SIAH1: variants seen among roughly 807,000 people sequenced by gnomAD.
SIAH1 encodes the protein E3 ubiquitin-protein ligase SIAH1.
In SIAH1, 2 loss-of-function variants were observed where a neutral mutation model predicts 20.0. The observed-to-expected ratio is 0.10, with a 90% confidence interval of 0.04 to 0.31. The LOEUF is 0.31. SIAH1 is among the 10% of genes least tolerant of loss of function. The pLI, the probability that SIAH1 is intolerant of heterozygous loss-of-function variation, is 1.00. For synonymous variants in SIAH1, 118 were observed against 125.3 expected (o/e 0.94, Z 0.39); for missense variants, 119 against 355.3 (o/e 0.33, Z 5.35).
chr16:48,384,822 C>T (rs1437606528), intron 1 of SIAH1, among the ~76,000 whole-genome samples: 1 of 149,100 alleles, frequency 6.7e-6, no homozygotes, highest in East Asian at 2.0e-4. Flanking sequence ...CAACAAAGGC[C>T]GGCACGAGGG....
At chr16:48,374,776 T>C (rs1331454722) in intron 1 of SIAH1, among the ~76,000 whole-genome samples, 2 of 151,966 alleles carry the variant, frequency 1.3e-5, no homozygotes, top group Non-Finnish European at 2.9e-5. Flanking sequence ...AACTAAAAAA[T>C]GCAGAGAAAG....
intron 1 of SIAH1, among the ~76,000 whole-genome samples, chr16:48,381,643 G>A (rs547397041): frequency 6.6e-5 from 10 of 152,264 alleles, no homozygotes; most frequent in African/African-American, 2.4e-4. Flanking sequence ...AGTGAAAGAA[G>A]CCAATGTGAA....
rs543688431 is a variant in SIAH1 at position 48,385,380 on chromosome 16, GGCCGCC to G, written c.-185_-180del. 12 of 154,710 alleles carry G rather than the reference GGCCGCC, an allele frequency of 7.8e-5. No individual in the cohort carries two copies. Among genetic ancestry groups the G allele is most frequent in the East Asian group, 1.9e-4 (1 of 5,278 alleles). The allele number at this position is 154,710 out of a possible 1,614,324, so 9.6% of individuals were successfully genotyped here. On this transcript the variant is annotated 5_prime_UTR_variant, in exon 1 of 2. Coordinates refer to ENST00000394725, the MANE Select transcript of SIAH1 (RefSeq NM_003031.4). ...GCAACGGCCGCCCCGGCTCCCCCCTGGCCGCCGCCGCCGCCGCCGTTTCGCGCGTCC... is the reference window on the plus strand; with the variant it reads ...GCAACGGCCGCCCCGGCTCCCCCCTGGCCGCCGCCGCCGTTTCGCGCGTCC...
At chr16:48,364,715 T>C (rs1960759572) in intron 1 of SIAH1, 1 of 152,284 alleles carries the variant, frequency 6.6e-6, no homozygotes, top group African/African-American at 2.4e-5. Context: ...CTGTATGCTG[T>C]ATGCCTACTG....
In SIAH1 at chr16:48,362,781, G is replaced by GT; in HGVS notation, c.-2-352dup. On this transcript the variant is annotated intron_variant, in intron 1 of 1. Coordinates refer to ENST00000394725, the MANE Select transcript of SIAH1 (RefSeq NM_003031.4). The surrounding 1 kb of genome is among the most constrained non-coding windows in gnomAD (Gnocchi z 4.2). ...AAGGAACTGAAGTTTAATCGAATCC[G>GT]TTTTGCTAGGACTCTCCCTGAGGCT... The GT allele has an allele frequency of 4.5e-6, 1 of 221,812 alleles. No homozygotes were observed. The allele number at this position is 221,812 out of a possible 1,614,324, so 13.7% of individuals were successfully genotyped here. A position where few individuals can be genotyped will look rare whatever the true frequency, so the allele number is the denominator to read the frequency against.
intron 1 of SIAH1, among the ~76,000 whole-genome samples, chr16:48,379,720 G>A (rs73562076): frequency 0.017 from 2,550 of 152,258 alleles, 58 homozygotes; most frequent in African/African-American, 0.056. Flanking sequence ...CAGTGGGACC[G>A]AGCAGAGTGC....
Position 48,362,190 on chromosome 16 carries a change from C to T in SIAH1, c.239G>A (p.Gly80Glu). The stretch of plus-strand genomic sequence containing the variant: ...CTCCATAGCCAAGTTGCGAATGGAT[C>T]CCAAAGGGCCCCGGCAAGTTGGACA... ...TCCPTCRGPLGSIRNLAMEKV... is the reference protein window; with the variant it reads ...TCCPTCRGPLESIRNLAMEKV... Residue 80 changes from glycine to glutamate, a missense_variant, in exon 2 of 2, where the codon GGA (glycine) becomes GAA (glutamate). Around this residue, in one of 2 missense-constraint regions of SIAH1, gnomAD observed 84 missense variants for 307.8 expected, o/e 0.27. Coordinates refer to ENST00000394725, the MANE Select transcript of SIAH1 (RefSeq NM_003031.4). The surrounding 1 kb of genome is among the most constrained non-coding windows in gnomAD (Gnocchi z 4.2). The T allele has an allele frequency of 6.2e-7, 1 of 1,614,214 alleles. No homozygotes were observed. Among genetic ancestry groups the T allele is most frequent in the Non-Finnish European group, 8.5e-7 (1 of 1,180,038 alleles).
intron 1 of SIAH1, among the ~76,000 whole-genome samples, chr16:48,364,522 T>G (rs1177423789): frequency 6.6e-6 from 1 of 152,200 alleles, no homozygotes; most frequent in Non-Finnish European, 1.5e-5. Flanking sequence ...TCATATGGAC[T>G]CAGAACATGA....
chr16:48,373,641 C>T (rs1432166535), intron 1 of SIAH1, among the ~76,000 whole-genome samples: 6 of 152,170 alleles, frequency 3.9e-5, no homozygotes, highest in Admixed American at 3.9e-4. Flanking sequence ...AGCTATGTCT[C>T]CCACCCTCAC....
intron 1 of SIAH1, among the ~76,000 whole-genome samples, chr16:48,381,762 T>G (rs1372223335): frequency 6.6e-6 from 1 of 152,082 alleles, no homozygotes; most frequent in Non-Finnish European, 1.5e-5. Context: ...TGGGGACAAA[T>G]AGGTGGAAGT....
At chr16:48,384,624 A>G (rs900541167) in intron 1 of SIAH1, among the ~76,000 whole-genome samples, 16 of 151,820 alleles carry the variant, frequency 1.1e-4, no homozygotes, top group African/African-American at 3.6e-4. Context: ...GGAAGAGCGC[A>G]GCCCCGTCCC....
intron 1 of SIAH1, among the ~76,000 whole-genome samples, chr16:48,384,716 C>A (rs1961396368): frequency 6.7e-6 from 1 of 149,848 alleles, no homozygotes; most frequent in Non-Finnish European, 1.5e-5. Context: ...GGCCTCCGGG[C>A]GCCGCGGGGA....
At chr16:48,377,257 C>T (rs1486257712) in intron 1 of SIAH1, among the ~76,000 whole-genome samples, 1 of 151,844 alleles carries the variant, frequency 6.6e-6, no homozygotes, top group Non-Finnish European at 1.5e-5. Flanking sequence ...CAAAAAAAAC[C>T]AAAAACAAAA....
At chr16:48,376,946 G>C (rs1961125018) in intron 1 of SIAH1, among the ~76,000 whole-genome samples, 1 of 152,194 alleles carries the variant, frequency 6.6e-6, no homozygotes, top group African/African-American at 2.4e-5. Context: ...ACTTCATTTT[G>C]TCAAATAAAT....
At chr16:48,364,293 T>C (rs980305700) in intron 1 of SIAH1, among the ~76,000 whole-genome samples, 5 of 152,196 alleles carry the variant, frequency 3.3e-5, no homozygotes, top group African/African-American at 9.7e-5. Context: ...ATCTCAATTA[T>C]AGTCATTCTG....
rs1376940485 is a variant in SIAH1, at chr16:48,362,907, C to G, written c.-2-477G>C. ...AATCGGCACTCTGTATCCACACGGT[C>G]TGCATCCGAGGACTTCACCAGCCAT... On this transcript the variant is annotated intron_variant, in intron 1 of 1. Coordinates refer to ENST00000394725, the MANE Select transcript of SIAH1 (RefSeq NM_003031.4). This position sits in a 1 kb window ranked among gnomAD's most constrained non-coding sequence, Gnocchi z 4.2. 3 of 167,388 alleles carry G rather than the reference C, an allele frequency of 1.8e-5. No homozygotes were observed. Among genetic ancestry groups the G allele is most frequent in the Non-Finnish European group, 4.3e-5 (3 of 69,140 alleles). 10.4% of individuals were successfully genotyped at this position (167,388 alleles called of 1,614,324 possible). A position where few individuals can be genotyped will look rare whatever the true frequency, so the allele number is the denominator to read the frequency against.
rs201982064 is a variant in SIAH1 at position 48,362,482 on chromosome 16, A to C, written c.-2-52T>G. ...AGAAAAATAATTATAACCATGACTT[A>C]CTTTATAAATAATGTTTACATGCCA... On this transcript the variant is annotated intron_variant, in intron 1 of 1. Coordinates refer to ENST00000394725, the MANE Select transcript of SIAH1 (RefSeq NM_003031.4). This position sits in a 1 kb window ranked among gnomAD's most constrained non-coding sequence, Gnocchi z 4.2. 1.1e-5 allele frequency: 18 copies of C among 1,577,262 alleles called. No individual in the cohort carries two copies. Among genetic ancestry groups the C allele is most frequent in the Non-Finnish European group, 1.6e-5 (18 of 1,151,898 alleles).
upstream of SIAH1, among the ~76,000 whole-genome samples, chr16:48,385,632 T>C (rs1961443786): frequency 1.3e-5 from 2 of 152,108 alleles, no homozygotes; most frequent in Admixed American, 1.3e-4. Flanking sequence ...GCTGCGCCCG[T>C]GCACCGCGCA....
intron 1 of SIAH1, among the ~76,000 whole-genome samples, chr16:48,378,682 C>T (rs991784933): frequency 6.6e-6 from 1 of 152,194 alleles, no homozygotes; most frequent in African/African-American, 2.4e-5. Context: ...CAGCCAGATG[C>T]TAATATCAGC....
Sources: gnomAD v4.1 joint callset for allele counts (sites outside exome capture counted in the v4.1 genomes callset) on GRCh38, gnomAD v4.1.1 for gene constraint, gnomAD v4.1.1 regional missense constraint, Gnocchi (gnomAD v3.1) non-coding constraint, MANE v1.5 for transcripts, NCBI Gene and HGNC (gene_info 2026-07-23, HGNC 2026-07-21) for gene names.